The following TMEM200A variants were observed in gnomAD, a reference collection of about 807,000 sequenced individuals.
TMEM200A encodes two transmembrane C.
In TMEM200A, 12 loss-of-function variants were observed where a neutral mutation model predicts 24.3. The observed-to-expected ratio is 0.49, with a 90% confidence interval of 0.32 to 0.80. The LOEUF is 0.80. Ranked by LOEUF, TMEM200A falls within the 30% of genes least tolerant of loss-of-function variation. The pLI is 0.04. For synonymous variants in TMEM200A, 224 were observed against 224.4 expected (o/e 1.00, Z 0.02); for missense variants, 545 against 614.4 (o/e 0.89, Z 1.19).
chr6:130,368,123 T>C (rs1778228243), intron 1 of TMEM200A, among the ~76,000 whole-genome samples: 1 of 152,204 alleles, frequency 6.6e-6, no homozygotes, highest in African/African-American at 2.4e-5. Flanking sequence ...TAGTGGAATT[T>C]TTAGTGAAGC....
chr6:130,382,963 C>G, intron 1 of TMEM200A: 1 of 952,762 alleles, frequency 1.0e-6, no homozygotes, highest in Non-Finnish European at 1.2e-6. Flanking sequence ...GCTTTGCCTC[C>G]CTAGTGACTC....
At chr6:130,391,367 C>T (rs779082901) in intron 2 of TMEM200A, among the ~76,000 whole-genome samples, 9 of 152,192 alleles carry the variant, frequency 5.9e-5, no homozygotes, top group Non-Finnish European at 1.2e-4. Context: ...ACCACCTTCT[C>T]AGATCTTTCT....
At chr6:130,421,419 G>A (rs1779583709) in intron 2 of TMEM200A, 1 of 151,832 alleles carries the variant, frequency 6.6e-6, no homozygotes, top group East Asian at 1.9e-4. Context: ...TGTATTTAAG[G>A]TGCATAACAT....
chr6:130,433,327 A>T (rs1779923955), intron 2 of TMEM200A, among the ~76,000 whole-genome samples: 1 of 152,064 alleles, frequency 6.6e-6, no homozygotes, highest in African/African-American at 2.4e-5. Context: ...TAGTAGAGAC[A>T]GGGTTTCACC....
At chr6:130,409,964 A>G (rs189053890) in intron 2 of TMEM200A, among the ~76,000 whole-genome samples, 65 of 152,254 alleles carry the variant, frequency 4.3e-4, no homozygotes, top group Non-Finnish European at 8.7e-4. Context: ...TAGAAGATCT[A>G]TGGTATTTAT....
At chr6:130,434,752 T>C (rs1779960182) in intron 2 of TMEM200A, among the ~76,000 whole-genome samples, 2 of 152,282 alleles carry the variant, frequency 1.3e-5, no homozygotes, top group Non-Finnish European at 2.9e-5. Context: ...GAAGAGCTTT[T>C]GTCTGCAAAG....
chr6:130,412,580 G>A (rs958090775), intron 2 of TMEM200A, among the ~76,000 whole-genome samples: 1 of 152,034 alleles, frequency 6.6e-6, no homozygotes, highest in Admixed American at 6.5e-5. Context: ...TCTTTACCCA[G>A]CTCAGACTTG....
chr6:130,404,073 A>G (rs1289764119), intron 2 of TMEM200A, among the ~76,000 whole-genome samples: 1 of 152,138 alleles, frequency 6.6e-6, no homozygotes, highest in Non-Finnish European at 1.5e-5. Flanking sequence ...TCAGTCTATC[A>G]TTGATGGGCA....
intron 2 of TMEM200A, among the ~76,000 whole-genome samples, chr6:130,418,540 T>A (rs1182581142): frequency 2.6e-5 from 4 of 152,146 alleles, no homozygotes; most frequent in African/African-American, 9.7e-5. Context: ...ATTCCCACTT[T>A]ACGAATAAAA....
At chr6:130,436,629 TC>T (rs1447936440) in intron 2 of TMEM200A, among the ~76,000 whole-genome samples, 2,445 of 88,294 alleles carry the variant, frequency 0.028, 694 homozygotes, top group African/African-American at 0.051. Flanking sequence ...TTTTTCTTTA[TC>T]CTTTTTTTTT....
intron 2 of TMEM200A, among the ~76,000 whole-genome samples, chr6:130,394,510 A>G (rs1054386212): frequency 2.0e-5 from 3 of 152,170 alleles, no homozygotes; most frequent in East Asian, 1.9e-4. Flanking sequence ...GCCTCTGCAC[A>G]GTCTGCTCTG....
intron 1 of TMEM200A, among the ~76,000 whole-genome samples, chr6:130,377,895 G>T (rs1475316578): frequency 6.6e-6 from 1 of 152,192 alleles, no homozygotes; most frequent in Non-Finnish European, 1.5e-5. Context: ...TGGATGTAGA[G>T]TAGCATGGCC....
At chr6:130,407,267 T>G (rs1314022326) in intron 2 of TMEM200A, among the ~76,000 whole-genome samples, 2 of 152,214 alleles carry the variant, frequency 1.3e-5, no homozygotes, top group African/African-American at 4.8e-5. Context: ...ATTAATTGGA[T>G]GAAATCTAAC....
chr6:130,422,195 A>C (rs1400910641), intron 2 of TMEM200A, among the ~76,000 whole-genome samples: 1 of 152,044 alleles, frequency 6.6e-6, no homozygotes, highest in African/African-American at 2.4e-5. Context: ...CCTTTTCTCC[A>C]TATCCTTGCC....
At chr6:130,436,654 T>G (rs1271301974) in intron 2 of TMEM200A, among the ~76,000 whole-genome samples, 1 of 101,502 alleles carries the variant, frequency 9.9e-6, no homozygotes, top group Non-Finnish European at 1.9e-5. Flanking sequence ...TTTTTTTTTT[T>G]TTTTTTTTCA....
In TMEM200A at chr6:130,440,484, G is replaced by T. The variant is rs1780131406; in HGVS notation, c.62G>T (p.Arg21Ile). The T allele has an allele frequency of 6.2e-7, 1 of 1,613,334 alleles. No homozygotes were observed. Among genetic ancestry groups the T allele is most frequent in the Admixed American group, 1.7e-5 (1 of 59,908 alleles). The change falls in exon 3 of 3, where the codon AGA becomes ATA. Residue 21 changes from arginine (R) to isoleucine (I), a missense_variant. Arg to Ile is a moderately conservative substitution (Grantham distance 97, BLOSUM62 -3). Transcript: ENST00000296978. ...GCCTTGAAAAGGCAAGACTCTGCCA[G>T]ATCACAGCAGCATGTCAACCTCAGC... ...LAALKRQDSA[R>I]SQQHVNLSPS...
intron 1 of TMEM200A, among the ~76,000 whole-genome samples, chr6:130,375,907 T>C (rs1301454216): frequency 2.0e-5 from 3 of 152,190 alleles, no homozygotes; most frequent in Admixed American, 2.0e-4. Context: ...ATGGTCAAGA[T>C]ATGTCATATA....
chr6:130,373,690 T>C (rs1338575120), intron 1 of TMEM200A, among the ~76,000 whole-genome samples: 1 of 152,242 alleles, frequency 6.6e-6, no homozygotes, highest in Admixed American at 6.5e-5. Context: ...TATAAATGCA[T>C]TTATATTCCA....
At chr6:130,417,358 T>C (rs934791458) in intron 2 of TMEM200A, among the ~76,000 whole-genome samples, 4 of 152,156 alleles carry the variant, frequency 2.6e-5, no homozygotes, top group African/African-American at 4.8e-5. Flanking sequence ...ATTATGAAAA[T>C]TTGAGCACAA....
Sources: gnomAD v4.1 joint callset for allele counts (sites outside exome capture counted in the v4.1 genomes callset) on GRCh38, gnomAD v4.1.1 for gene constraint, MANE v1.5 for transcripts, NCBI Gene and HGNC (gene_info 2026-07-23, HGNC 2026-07-21) for gene names.